Variants in SCAPER observed in about 807,000 individuals in gnomAD.
SCAPER encodes S phase cyclin A-associated protein in the endoplasmic reticulum.
Under a neutral mutation model 182.2 loss-of-function variants are expected in SCAPER, and 98 were observed. The observed-to-expected ratio is 0.54, with a 90% CI of 0.46 to 0.64. The LOEUF is 0.64. SCAPER is among the 30% of genes least tolerant of loss of function. The pLI, the probability that SCAPER is intolerant of heterozygous loss-of-function variation, is 0.00. For missense variants in SCAPER, 1,432 were observed against 1,690.0 expected, an observed-to-expected ratio of 0.85 and a Z score of 2.68; for synonymous variants, 605 against 564.6, an observed-to-expected ratio of 1.07 and a Z score of -1.01.
chr15:76,720,405 T>G (rs2060156513), intron 17 of SCAPER, among the ~76,000 whole-genome samples: 4 of 152,220 alleles, frequency 2.6e-5, no homozygotes, highest in Admixed American at 2.6e-4. Flanking sequence ...GAATGTGTCT[T>G]TATAGCAGCA....
At chr15:76,369,428 G>A (rs1278255901) in intron 29 of SCAPER, among the ~76,000 whole-genome samples, 15 of 152,336 alleles carry the variant, frequency 9.8e-5, no homozygotes, top group Admixed American at 5.2e-4. Context: ...GTATAGAAGT[G>A]AGGTGGAAAC....
intron 23 of SCAPER, among the ~76,000 whole-genome samples, chr15:76,569,098 C>T (rs968435851): frequency 2.6e-5 from 4 of 151,884 alleles, no homozygotes; most frequent in Non-Finnish European, 5.9e-5. Context: ...TTTAAGCAGA[C>T]GTCTTGACAG....
chr15:76,903,967 A>T (rs2074934812), intron 1 of SCAPER, among the ~76,000 whole-genome samples: 1 of 152,240 alleles, frequency 6.6e-6, no homozygotes, highest in Admixed American at 6.5e-5. Context: ...CCATCAGATT[A>T]CTTCTCCCAC....
At chr15:76,738,450 C>A (rs930361325) in intron 15 of SCAPER, among the ~76,000 whole-genome samples, 1 of 151,394 alleles carries the variant, frequency 6.6e-6, no homozygotes, top group Admixed American at 6.6e-5. Context: ...ACTTAGAGGC[C>A]ACTCGTGAAC....
chr15:76,726,131 A>ATATATATATATATATG lies in SCAPER; in HGVS notation c.2165+2463_2165+2464insCATATATATATATATA, dbSNP rs1414843687. Among the ~76,000 whole-genome samples, 5 of 117,822 alleles carry ATATATATATATATATG rather than the reference A, an allele frequency of 4.2e-5. 1 individual carries two copies. The highest frequency in any genetic ancestry group is 2.6e-4 in the Admixed American group (3 of 11,606). The allele number at this position is 117,822 out of a possible 152,430, so 77.3% of individuals were successfully genotyped here. A position where few individuals can be genotyped will look rare whatever the true frequency, so the allele number is the denominator to read the frequency against. On this transcript the variant is annotated intron_variant, in intron 17 of 31. Transcript: ENST00000563290. Reference sequence around the variant, plus strand: ...TAAAGGGTTAATGTCTAGAATATATATATATATATATATATATATATATAA... The same window carrying ATATATATATATATATG: ...TAAAGGGTTAATGTCTAGAATATATATATATATATATATATGTATATATATATATATATATATATAA...
intron 22 of SCAPER, among the ~76,000 whole-genome samples, chr15:76,596,862 G>A (rs2049544517): frequency 8.2e-6 from 1 of 121,860 alleles, no homozygotes; most frequent in Non-Finnish European, 2.0e-5. Context: ...CATACTGAAT[G>A]GGCAAAAGCT....
chr15:76,682,894 A>G (rs1380986674), intron 20 of SCAPER, among the ~76,000 whole-genome samples: 1 of 152,192 alleles, frequency 6.6e-6, no homozygotes, highest in Non-Finnish European at 1.5e-5. Flanking sequence ...AAGATTAAAA[A>G]CAAAACGACC....
chr15:76,558,860 A>G (rs1275856091), intron 23 of SCAPER, among the ~76,000 whole-genome samples: 1 of 152,166 alleles, frequency 6.6e-6, no homozygotes, highest in Non-Finnish European at 1.5e-5. Context: ...TTAGCCATAA[A>G]AAAGAATGAG....
intron 17 of SCAPER, among the ~76,000 whole-genome samples, chr15:76,718,160 T>C (rs146191662): frequency 1.2e-3 from 176 of 152,172 alleles, no homozygotes; most frequent in South Asian, 8.5e-3. Flanking sequence ...TTAAATAACA[T>C]GCTCCAAAAT....
At chr15:76,773,480 T>G (rs2063577549) in intron 9 of SCAPER, among the ~76,000 whole-genome samples, 1 of 151,958 alleles carries the variant, frequency 6.6e-6, no homozygotes, top group Admixed American at 6.6e-5. Flanking sequence ...AAAAAGTAGT[T>G]TATTCACTAA....
At chr15:76,888,721 G>A (rs1301171443) in intron 1 of SCAPER, among the ~76,000 whole-genome samples, 1 of 152,184 alleles carries the variant, frequency 6.6e-6, no homozygotes, top group Non-Finnish European at 1.5e-5. Flanking sequence ...TGAAACTGAT[G>A]GAGTGAATGG....
chr15:76,589,493 C>T (rs942895208), intron 22 of SCAPER, among the ~76,000 whole-genome samples: 5 of 152,208 alleles, frequency 3.3e-5, no homozygotes, highest in Non-Finnish European at 2.9e-5. Flanking sequence ...AAGCCTTCCC[C>T]GGCTCCCATG....
chr15:76,673,193 G>A lies in SCAPER; in HGVS notation c.2509-7404C>T, dbSNP rs1314388219. Among the ~76,000 whole-genome samples, 3 of 151,924 alleles carry A rather than the reference G, an allele frequency of 2.0e-5. No homozygotes were observed. The East Asian group carries it at 5.8e-4, about 29-fold the overall frequency. On this transcript the variant is annotated intron_variant, in intron 20 of 31. Coordinates refer to ENST00000563290, the MANE Select transcript of SCAPER (RefSeq NM_020843.4). ...GAATATTATTATCACAAACCTTTCT[G>A]AGGAATCTACATGATTCCTCAGAAC...
intron 2 of SCAPER, among the ~76,000 whole-genome samples, chr15:76,869,622 G>A (rs553945862): frequency 1.3e-5 from 2 of 152,220 alleles, no homozygotes; most frequent in Non-Finnish European, 2.9e-5. Context: ...TACCAAGGAT[G>A]TGGAAAAAGA....
chr15:76,477,115 G>GA (rs1299954966), intron 24 of SCAPER, among the ~76,000 whole-genome samples: 3 of 151,752 alleles, frequency 2.0e-5, no homozygotes, highest in Admixed American at 6.6e-5. Flanking sequence ...CTGGTCTGCT[G>GA]AAAAAAAACC....
At chr15:76,512,114 C>T (rs1043902341) in intron 23 of SCAPER, among the ~76,000 whole-genome samples, 2 of 151,852 alleles carry the variant, frequency 1.3e-5, no homozygotes, top group African/African-American at 4.8e-5. Flanking sequence ...TCTCGAACTC[C>T]TGACCTCAGG....
intron 10 of SCAPER, among the ~76,000 whole-genome samples, chr15:76,769,442 CAAAAAAAAA>C (rs36078656): frequency 1.4e-5 from 1 of 69,956 alleles, no homozygotes; most frequent in Admixed American, 1.7e-4. Flanking sequence ...GACTCTGTCT[CAAAAAAAAA>C]AAAAAAAAAA....
intron 15 of SCAPER, among the ~76,000 whole-genome samples, chr15:76,738,153 T>C (rs1161410982): frequency 6.6e-6 from 1 of 152,216 alleles, no homozygotes; most frequent in African/African-American, 2.4e-5. Flanking sequence ...TTTTTCTTTT[T>C]GTTTTTCAAG....
intron 21 of SCAPER, among the ~76,000 whole-genome samples, chr15:76,654,599 C>T (rs1400972587): frequency 6.6e-6 from 1 of 152,080 alleles, no homozygotes; most frequent in African/African-American, 2.4e-5. Context: ...ACCATTCGAC[C>T]CAGCAATTCC....
Sources: gnomAD v4.1 joint callset for allele counts (sites outside exome capture counted in the v4.1 genomes callset) on GRCh38, gnomAD v4.1.1 for gene constraint, MANE v1.5 for transcripts, NCBI Gene and HGNC (gene_info 2026-07-23, HGNC 2026-07-21) for gene names.